The following PRRC2A variants were observed in gnomAD, a reference collection of about 807,000 sequenced individuals.
PRRC2A encodes the protein protein PRRC2A.
Under a neutral mutation model 224.6 loss-of-function variants are expected in PRRC2A, and 59 were observed. The ratio of observed to expected loss-of-function variants is 0.26; its 90% confidence interval spans 0.21 to 0.33. The LOEUF is 0.33. PRRC2A is among the 10% of genes least tolerant of loss of function. PRRC2A has a pLI of 1.00. For synonymous variants in PRRC2A, 1,194 were observed against 1,109.5 expected, an observed-to-expected ratio of 1.08 and a Z score of -1.51; for missense variants, 3,095 against 2,880.7, an observed-to-expected ratio of 1.07 and a Z score of -1.70.
Position 31,637,573 on chromosome 6 carries a change from C to G in PRRC2A, c.6461C>G (p.Pro2154Arg). 6.3e-7 allele frequency: 1 copy of G among 1,580,012 alleles called. No individual in the cohort carries two copies. The highest frequency in any genetic ancestry group is 8.6e-7 in the Non-Finnish European group (1 of 1,164,734). The change falls in exon 31 of 31, where the codon CCC becomes CGC. Residue 2154 changes from proline (P) to arginine (R), a missense_variant. Physicochemically the swap from Pro to Arg is moderately radical, Grantham distance 103. Transcript: ENST00000376033. ...CGAGGGGACAAGGAGCCTGGGTTGC[C>G]CCCACCCCGCTGAGGGAGTTCCTCT... is the stretch of plus-strand genomic sequence containing the variant. ...GSRGDKEPGL[P>R]PPR
intron 5 of PRRC2A, 96 bp downstream of exon 5, chr6:31,624,618 G>A: frequency 2.2e-6 from 3 of 1,388,596 alleles, no homozygotes; most frequent in Non-Finnish European, 3.0e-6. Context: ...GGTCCTCTTT[G>A]GCTAAATCAA....
In PRRC2A at chr6:31,632,928, C is replaced by A. The variant is rs1413001267; in HGVS notation, c.4255C>A (p.Pro1419Thr). 1 of 1,612,054 alleles carries A rather than the reference C, an allele frequency of 6.2e-7. No individual in the cohort carries two copies. The highest frequency in any genetic ancestry group is 8.5e-7 in the Non-Finnish European group (1 of 1,179,512). Reference protein sequence around the residue: ...GSSSGGGGGGPGGRTGPGRGD... With the variant: ...GSSSGGGGGGTGGRTGPGRGD... ...CAGCAGTGGAGGAGGCGGTGGGGGT[C>A]CTGGAGGAAGGACCGGGCCAGGACG... The change falls in exon 16 of 31, where the codon CCT (proline) becomes ACT (threonine). Residue 1419 changes from proline to threonine, a missense_variant. Pro to Thr is a conservative substitution (Grantham distance 38, BLOSUM62 -1). This residue lies in a region of PRRC2A where 2,001 missense variants were observed against 1,764.9 expected (regional missense o/e 1.13). Transcript: ENST00000376033.
intron 16 of PRRC2A, 23 bp downstream of exon 16, chr6:31,633,015 A>T (rs769841637): frequency 1.3e-6 from 2 of 1,493,320 alleles, no homozygotes; most frequent in South Asian, 1.3e-5. Context: ...AAACAAATTT[A>T]TTGTGGTTTA....
Position 31,631,614 on chromosome 6 carries a change from C to T in PRRC2A, c.2941C>T (p.Pro981Ser), listed in dbSNP as rs1776592910. 6.5e-7 allele frequency: 1 copy of T among 1,533,202 alleles called. No homozygotes were observed. Among genetic ancestry groups the T allele is most frequent in the South Asian group, 1.3e-5 (1 of 77,774 alleles). 95.0% of individuals were successfully genotyped at this position (1,533,202 alleles called of 1,614,324 possible). The change falls in exon 16 of 31, where the codon CCA (proline) becomes TCA (serine). Residue 981 changes from proline (P) to serine (S), a missense_variant. This residue lies in a region of PRRC2A where 2,001 missense variants were observed against 1,764.9 expected (regional missense o/e 1.13). Coordinates refer to ENST00000376033, the MANE Select transcript of PRRC2A (RefSeq NM_004638.4). This position sits in a 1 kb window ranked among gnomAD's most constrained non-coding sequence, Gnocchi z 4.5. ...QGDETPKPPK[P>S]DPLKITKGKL... ...GGATGAAACCCCCAAACCCCCAAAG[C>T]CAGACCCACTCAAGATAACCAAGGG...
Position 31,632,991 on chromosome 6 carries a change from A to G in PRRC2A, c.4318A>G (p.Ser1440Gly). The G allele has an allele frequency of 6.4e-7, 1 of 1,554,154 alleles. No individual in the cohort carries two copies. The highest frequency in any genetic ancestry group is 1.2e-5 in the South Asian group (1 of 85,164). Reference protein sequence around the residue: ...KRSWPSPKNRSRPPEERPPGL... With the variant: ...KRSWPSPKNRGRPPEERPPGL... Reference sequence around the variant, plus strand: ...GAGCTGGCCCTCTCCCAAGAACCGAAGGTGGGTAGGAACAAACAAATTTAT... The same window carrying G: ...GAGCTGGCCCTCTCCCAAGAACCGAGGGTGGGTAGGAACAAACAAATTTAT... The change falls in exon 16 of 31, where the codon AGT becomes GGT. Residue 1440 changes from serine to glycine, a missense_variant and splice_region_variant. Ser to Gly is a moderately conservative substitution (Grantham distance 56). Around this residue, in one of 8 missense-constraint regions of PRRC2A, gnomAD observed 2,001 missense variants for 1,764.9 expected, o/e 1.13. Transcript: ENST00000376033.
chr6:31,634,449 C>G, intron 19 of PRRC2A, 23 bp from the exon 20 acceptor site: 2 of 1,612,754 alleles, frequency 1.2e-6, no homozygotes, highest in Non-Finnish European at 1.7e-6. Context: ...CACTTCTCTT[C>G]TGGTTGGTGC....
chr6:31,632,700 C>G lies in PRRC2A; in HGVS notation c.4027C>G (p.Pro1343Ala). The G allele has an allele frequency of 6.2e-7, 1 of 1,613,146 alleles. No individual in the cohort carries two copies. The highest frequency in any genetic ancestry group is 8.5e-7 in the Non-Finnish European group (1 of 1,180,040). Residue 1343 changes from proline (P) to alanine (A), a missense_variant, in exon 16 of 31, where the codon CCA becomes GCA. Physicochemically the swap from Pro to Ala is conservative, Grantham distance 27 (BLOSUM62 -1). This residue lies in a region of PRRC2A where 2,001 missense variants were observed against 1,764.9 expected (regional missense o/e 1.13). Coordinates refer to ENST00000376033, the MANE Select transcript of PRRC2A (RefSeq NM_004638.4). ...CCGAGGGGACAAAGAGGCACCCCCA[C>G]CAGTACTGCTGACACCCAAGGCTGT... is the stretch of plus-strand genomic sequence containing the variant. The part of the protein sequence containing the change: ...ERRGDKEAPP[P>A]VLLTPKAVGT...
chr6:31,633,056 G>A (rs1776858731), intron 16 of PRRC2A, 64 bp downstream of exon 16: 3 of 1,444,792 alleles, frequency 2.1e-6, no homozygotes, highest in South Asian at 1.4e-5. Flanking sequence ...AAGCCTGAGG[G>A]AAAGATAAGT....
At position 31,633,626 on chromosome 6, in the gene PRRC2A, G is replaced by T. The variant is rs1462906960; in HGVS notation, c.4567G>T (p.Val1523Phe). The part of the protein sequence containing the change: ...RPPTRYEPQR[V>F]NSGLSSDPHF... ...CCCAACCCGATACGAGCCCCAGAGGGTCAACAGCGGCCTCAGTTCTGGTAA... is the reference window on the plus strand; with the variant it reads ...CCCAACCCGATACGAGCCCCAGAGGTTCAACAGCGGCCTCAGTTCTGGTAA... Residue 1523 changes from valine (V) to phenylalanine (F), a missense_variant, in exon 17 of 31, where the codon GTC becomes TTC. Val to Phe is a conservative substitution (Grantham distance 50, BLOSUM62 -1). Transcript: ENST00000376033. 3 of 1,611,364 alleles carry T rather than the reference G, an allele frequency of 1.9e-6. No homozygotes were observed. The African/African-American group carries it at 4.0e-5, about 22-fold the overall frequency.
rs1236658725 is a variant in PRRC2A, at chr6:31,629,865, G to A, written c.2254+20G>A. The A allele has an allele frequency of 6.2e-6, 10 of 1,612,158 alleles. No homozygotes were observed. The highest frequency in any genetic ancestry group is 8.5e-6 in the Non-Finnish European group (10 of 1,179,276). ...CCTCTGGTAAGGGGGCATGGGAGGA[G>A]TGAGAAACAGGAAAGTCCCCTCAGT... On this transcript the variant is annotated intron_variant, in intron 14 of 30. Coordinates refer to ENST00000376033, the MANE Select transcript of PRRC2A (RefSeq NM_004638.4).
At chr6:31,626,638 A>C (rs573088223) in intron 9 of PRRC2A, 134 bp from the exon 10 acceptor site, 1 of 755,640 alleles carries the variant, frequency 1.3e-6, no homozygotes, top group African/African-American at 1.8e-5. Context: ...GAATGACAAG[A>C]CTTCATTGGT....
chr6:31,628,013 T>TGCCCCTTCTACC lies in PRRC2A; in HGVS notation c.1540_1551dup (p.Ala514_Thr517dup). ...AAGCAGAGCCTGCTGCCCCACCTGC[T>TGCCCCTTCTACC]GCCCCTTCTACCCCAGCTCCACCAC... On this transcript the variant is annotated inframe_insertion, in exon 12 of 31. Transcript: ENST00000376033. The TGCCCCTTCTACC allele has an allele frequency of 6.3e-7, 1 of 1,579,904 alleles. No individual in the cohort carries two copies. The highest frequency in any genetic ancestry group is 8.6e-7 in the Non-Finnish European group (1 of 1,160,906).
intron 16 of PRRC2A, 32 bp from the exon 17 acceptor site, chr6:31,633,347 G>C: frequency 6.3e-7 from 1 of 1,593,652 alleles, no homozygotes; most frequent in Non-Finnish European, 8.6e-7. Flanking sequence ...ACGATTTAGT[G>C]GATACTGGAG....
intron 16 of PRRC2A, 109 bp from the exon 17 acceptor site, chr6:31,633,270 G>A: frequency 6.8e-7 from 1 of 1,472,254 alleles, no homozygotes; most frequent in Non-Finnish European, 9.2e-7. Flanking sequence ...AAAAACACCT[G>A]GACTTTAATA....
At chr6:31,635,869 C>A in intron 24 of PRRC2A, 98 bp from the exon 25 acceptor site, 1 of 1,443,604 alleles carries the variant, frequency 6.9e-7, no homozygotes. Context: ...TTTGTCACAT[C>A]ATTTTTCTCC....
chr6:31,623,048 G>T, intron 2 of PRRC2A, 147 bp downstream of exon 2: 1 of 793,986 alleles, frequency 1.3e-6, no homozygotes, highest in Non-Finnish European at 2.3e-6. Context: ...GTCCTTTAAA[G>T]GGGGTGTGGG....
In PRRC2A at chr6:31,631,174, A is replaced by G. The variant is rs1464443055; in HGVS notation, c.2501A>G (p.Tyr834Cys). ...ETPPVPPPPP[Y>C]LASYPGFPEN... ...CCTCCAGTACCTCCCCCACCACCCT[A>G]TCTGGCCAGTTATCCAGGCTTTCCT... The change falls in exon 16 of 31, where the codon TAT (tyrosine) becomes TGT (cysteine). Residue 834 changes from tyrosine to cysteine, a missense_variant. Physicochemically the swap from Tyr to Cys is radical, Grantham distance 194. Around this residue, in one of 8 missense-constraint regions of PRRC2A, gnomAD observed 2,001 missense variants for 1,764.9 expected, o/e 1.13. Coordinates refer to ENST00000376033, the MANE Select transcript of PRRC2A (RefSeq NM_004638.4). This position sits in a 1 kb window ranked among gnomAD's most constrained non-coding sequence, Gnocchi z 4.5. The G allele has an allele frequency of 3.2e-6, 5 of 1,561,972 alleles. No individual in the cohort carries two copies. Among genetic ancestry groups the G allele is most frequent in the African/African-American group, 2.8e-5 (2 of 72,702 alleles).
At position 31,631,165 on chromosome 6, in the gene PRRC2A, C is replaced by T. The variant is rs764753030; in HGVS notation, c.2492C>T (p.Pro831Leu). 1 of 1,548,086 alleles carries T rather than the reference C, an allele frequency of 6.5e-7. No homozygotes were observed. The highest frequency in any genetic ancestry group is 8.7e-7 in the Non-Finnish European group (1 of 1,146,974). Residue 831 changes from proline (P) to leucine (L), a missense_variant, in exon 16 of 31, where the codon CCA (proline) becomes CTA (leucine). Around this residue, in one of 8 missense-constraint regions of PRRC2A, gnomAD observed 2,001 missense variants for 1,764.9 expected, o/e 1.13. Transcript: ENST00000376033. This position sits in a 1 kb window ranked among gnomAD's most constrained non-coding sequence, Gnocchi z 4.5. ...MRSETPPVPP[P>L]PPYLASYPGF... ...AGCGAGACTCCTCCAGTACCTCCCC[C>T]ACCACCCTATCTGGCCAGTTATCCA...
chr6:31,629,427 T>A, intron 13 of PRRC2A, 93 bp downstream of exon 13: 2 of 1,488,116 alleles, frequency 1.3e-6, no homozygotes, highest in Admixed American at 4.0e-5. Context: ...GTCCCTTTGC[T>A]TCTTTGTCCA....
Sources: allele counts gnomAD v4.1 joint callset, GRCh38; gene constraint gnomAD v4.1.1; regional missense constraint gnomAD v4.1.1; non-coding constraint Gnocchi (gnomAD v3.1); transcripts MANE v1.5; gene names NCBI Gene and HGNC (gene_info 2026-07-23, HGNC 2026-07-21).